Variants in NT5C3A observed in about 807,000 individuals in gnomAD.
NT5C3A encodes 5'-nucleotidase, cytosolic IIIA.
A neutral mutation model predicts 40.0 loss-of-function variants in NT5C3A; 23 were observed. The observed-to-expected ratio is 0.58, with a 90% CI of 0.41 to 0.81. The LOEUF is 0.81. NT5C3A is among the 40% of genes least tolerant of loss of function. NT5C3A has a pLI of 0.00. For missense variants in NT5C3A, 328 were observed against 403.0 expected (o/e 0.81, Z 1.59); for synonymous variants, 130 against 141.4 (o/e 0.92, Z 0.57).
chr7:33,050,977 A>G (rs961280630), intron 1 of NT5C3A, among the ~76,000 whole-genome samples: 16 of 151,918 alleles, frequency 1.1e-4, no homozygotes, highest in African/African-American at 3.1e-4. Context: ...TTAAGGAGAG[A>G]AAAAAAACCT....
chr7:33,020,137 C>A (rs529616985), intron 5 of NT5C3A, among the ~76,000 whole-genome samples: 2 of 152,172 alleles, frequency 1.3e-5, no homozygotes. Context: ...ACTTAGTGAA[C>A]AAGAGAGAAA....
intron 1 of NT5C3A, among the ~76,000 whole-genome samples, chr7:33,055,807 T>A (rs1222367031): frequency 6.6e-6 from 1 of 152,164 alleles, no homozygotes; most frequent in Non-Finnish European, 1.5e-5. Flanking sequence ...CTTAGTCAAG[T>A]GCAACTAATT....
intron 1 of NT5C3A, among the ~76,000 whole-genome samples, chr7:33,038,024 T>C (rs1360938441): frequency 6.6e-6 from 1 of 152,134 alleles, no homozygotes; most frequent in East Asian, 1.9e-4. Context: ...TGCATGCAAG[T>C]CTATTTCTTC....
intron 1 of NT5C3A, among the ~76,000 whole-genome samples, chr7:33,052,309 C>G (rs1787399159): frequency 6.6e-6 from 1 of 151,860 alleles, no homozygotes; most frequent in Admixed American, 6.6e-5. Context: ...CATGGTGAAA[C>G]CTCGTCTCTA....
chr7:33,029,726 A>C, intron 1 of NT5C3A: 5 of 1,276,254 alleles, frequency 3.9e-6, no homozygotes, highest in Non-Finnish European at 5.1e-6. Flanking sequence ...TAACAAATGT[A>C]AGATTGGTTT....
At chr7:33,051,145 T>C (rs1787348312) in intron 1 of NT5C3A, among the ~76,000 whole-genome samples, 1 of 151,978 alleles carries the variant, frequency 6.6e-6, no homozygotes, top group Non-Finnish European at 1.5e-5. Flanking sequence ...ATACCTGAAC[T>C]ATTTTTATTT....
chr7:33,027,680 A>T (rs969912977), intron 1 of NT5C3A, among the ~76,000 whole-genome samples: 1 of 151,888 alleles, frequency 6.6e-6, no homozygotes, highest in Non-Finnish European at 1.5e-5. Flanking sequence ...AGAGCCCAGA[A>T]ATCATATTTT....
chr7:33,039,989 T>A (rs1786836351), intron 1 of NT5C3A, among the ~76,000 whole-genome samples: 1 of 152,078 alleles, frequency 6.6e-6, no homozygotes, highest in South Asian at 2.1e-4. Flanking sequence ...ACCTCTAATA[T>A]CTAATAGCAT....
intron 3 of NT5C3A, among the ~76,000 whole-genome samples, chr7:33,022,981 G>A (rs543467412): frequency 1.3e-4 from 20 of 150,550 alleles, no homozygotes; most frequent in African/African-American, 4.6e-4. Context: ...GCAGTGGTGC[G>A]ATTATGGCTC....
chr7:33,062,661 G>A lies in NT5C3A; in HGVS notation c.45C>T (p.Ala15=), dbSNP rs1291730808. 4.4e-6 allele frequency: 7 copies of A among 1,589,642 alleles called. No homozygotes were observed. Among genetic ancestry groups the A allele is most frequent in the Non-Finnish European group, 6.0e-6 (7 of 1,169,118 alleles). Reference sequence around the variant, plus strand: ...CCCCCGCCACCAGGGCGCACACGCTGGCGCTCGCTACCGCGCCCACCCTCG... The same window carrying A: ...CCCCCGCCACCAGGGCGCACACGCTAGCGCTCGCTACCGCGCCCACCCTCG... ...AVARVGAVAS[A]SVCALVAGVV... The change falls in exon 1 of 9, where the codon GCC becomes GCT. Residue 15 remains alanine (A), a synonymous_variant. Coordinates refer to ENST00000610140, the MANE Select transcript of NT5C3A (RefSeq NM_001002010.5).
At chr7:33,033,877 C>CATATATATAT (rs1554291562) in intron 1 of NT5C3A, among the ~76,000 whole-genome samples, 61 of 125,962 alleles carry the variant, frequency 4.8e-4, no homozygotes, top group Middle Eastern at 3.8e-3. Context: ...ATATAAAAGA[C>CATATATATAT]ATATATATAT....
chr7:33,038,444 T>A lies in NT5C3A; in HGVS notation c.139-11529A>T, dbSNP rs1462762859. 2.0e-5 allele frequency among the ~76,000 whole-genome samples: 3 copies of A among 151,214 alleles called. No individual in the cohort carries two copies. The East Asian group carries it at 5.8e-4, about 29-fold the overall frequency. ...AAAAGAATGATCATCTTTCTCATGGTCTCATCAAATAAAAACAAAGAGTGA... is the reference window on the plus strand; with the variant it reads ...AAAAGAATGATCATCTTTCTCATGGACTCATCAAATAAAAACAAAGAGTGA... On this transcript the variant is annotated intron_variant, in intron 1 of 8. Coordinates refer to ENST00000610140, the MANE Select transcript of NT5C3A (RefSeq NM_001002010.5).
chr7:33,015,910 T>C (rs777021778), intron 7 of NT5C3A, 40 bp from the exon 8 acceptor site: 6 of 1,374,098 alleles, frequency 4.4e-6, no homozygotes, highest in Non-Finnish European at 1.0e-6. Flanking sequence ...CTTTAAAAAT[T>C]CTATTTGTTG....
chr7:33,055,640 C>A (rs1022863785), intron 1 of NT5C3A, among the ~76,000 whole-genome samples: 2 of 152,178 alleles, frequency 1.3e-5, no homozygotes, highest in African/African-American at 4.8e-5. Context: ...ATCTCACGAC[C>A]ATGAAGAAAA....
chr7:33,062,528 C>A, intron 1 of NT5C3A, 40 bp downstream of exon 1: 2 of 1,574,002 alleles, frequency 1.3e-6, no homozygotes, highest in East Asian at 2.3e-5. Context: ...GCCCAGCCGG[C>A]CCCTCGCGTG....
chr7:33,055,174 A>C (rs906880240), intron 1 of NT5C3A, among the ~76,000 whole-genome samples: 1 of 152,048 alleles, frequency 6.6e-6, no homozygotes, highest in African/African-American at 2.4e-5. Context: ...AAAATACAAA[A>C]ATTAGCTGGG....
At chr7:33,040,005 C>A (rs1338470390) in intron 1 of NT5C3A, among the ~76,000 whole-genome samples, 2 of 152,004 alleles carry the variant, frequency 1.3e-5, no homozygotes, top group Non-Finnish European at 2.9e-5. Context: ...AGCATTTTTT[C>A]AAGATAAGTA....
At chr7:33,049,895 G>A (rs1001012835) in intron 1 of NT5C3A, among the ~76,000 whole-genome samples, 5 of 150,534 alleles carry the variant, frequency 3.3e-5, no homozygotes, top group African/African-American at 1.2e-4. Context: ...GCGTGAACCC[G>A]GGAGATGGAG....
chr7:33,020,475 C>A (rs969365347), intron 5 of NT5C3A, among the ~76,000 whole-genome samples: 8 of 152,168 alleles, frequency 5.3e-5, no homozygotes, highest in Non-Finnish European at 7.3e-5. Context: ...ATTTCTCATG[C>A]TGAAATCAAT....
Sources: allele counts gnomAD v4.1 joint callset (sites outside exome capture counted in the v4.1 genomes callset), GRCh38; gene constraint gnomAD v4.1.1; transcripts MANE v1.5; gene names NCBI Gene and HGNC (gene_info 2026-07-23, HGNC 2026-07-21).